VPS8: variants seen among roughly 807,000 people sequenced by gnomAD.
The protein encoded by VPS8 is vacuolar protein sorting-associated protein 8 homolog.
Under a neutral mutation model 216.4 loss-of-function variants are expected in VPS8, and 129 were observed. That is an observed-to-expected ratio of 0.60 (90% CI 0.52 to 0.69). VPS8 has a LOEUF of 0.69. Ranked by LOEUF, VPS8 falls within the 30% of genes least tolerant of loss-of-function variation. The probability of loss-of-function intolerance (pLI) is 0.00; values close to 1 mark genes in which losing one functional copy is unlikely to be tolerated. For missense variants in VPS8, 1,531 were observed against 1,683.5 expected (o/e 0.91, Z 1.59); for synonymous variants, 571 against 565.4 (o/e 1.01, Z -0.14).
At chr3:185,009,247 A>T (rs1296370838) in intron 45 of VPS8, among the ~76,000 whole-genome samples, 3 of 152,240 alleles carry the variant, frequency 2.0e-5, no homozygotes, top group Non-Finnish European at 2.9e-5. Context: ...AATATGAGAT[A>T]AGGACATAAG....
At chr3:184,998,479 T>TTA (rs10530534) in intron 44 of VPS8, among the ~76,000 whole-genome samples, 3 of 135,010 alleles carry the variant, frequency 2.2e-5, no homozygotes, top group African/African-American at 6.0e-5. Flanking sequence ...AAGAGGAAGT[T>TTA]TATATATATA....
chr3:184,869,341 A>G, intron 19 of VPS8, 141 bp from the exon 20 acceptor site: 11 of 832,342 alleles, frequency 1.3e-5, no homozygotes, highest in Non-Finnish European at 1.9e-5. Context: ...ATTATGGTGT[A>G]TTATCCAACA....
chr3:184,919,843 T>C (rs1738298919), intron 28 of VPS8, among the ~76,000 whole-genome samples: 1 of 152,200 alleles, frequency 6.6e-6, no homozygotes, highest in Non-Finnish European at 1.5e-5. Flanking sequence ...ATTAGTGTTA[T>C]CGCTCTCTTT....
chr3:184,882,689 T>C (rs1730484426), intron 21 of VPS8, among the ~76,000 whole-genome samples: 1 of 152,138 alleles, frequency 6.6e-6, no homozygotes, highest in Admixed American at 6.5e-5. Flanking sequence ...CATCTAAACA[T>C]GGAGATTTAT....
intron 44 of VPS8, among the ~76,000 whole-genome samples, chr3:184,997,713 C>T (rs759254001): frequency 2.0e-5 from 3 of 152,048 alleles, no homozygotes; most frequent in Non-Finnish European, 2.9e-5. Context: ...AAAGGAGATA[C>T]AGAGTGTTTG....
At chr3:185,031,811 A>C (rs1758212234) in intron 46 of VPS8, among the ~76,000 whole-genome samples, 1 of 152,194 alleles carries the variant, frequency 6.6e-6, no homozygotes, top group Non-Finnish European at 1.5e-5. Flanking sequence ...CAGAGTTTGG[A>C]CTAGTTGATT....
At chr3:185,026,747 C>T (rs1341424679) in intron 46 of VPS8, among the ~76,000 whole-genome samples, 26 of 111,194 alleles carry the variant, frequency 2.3e-4, no homozygotes, top group Admixed American at 3.4e-4. Context: ...CTCACTCTGT[C>T]GCCCAGGCTG....
intron 37 of VPS8, among the ~76,000 whole-genome samples, chr3:184,962,408 C>T (rs146264381): frequency 6.6e-6 from 1 of 152,226 alleles, no homozygotes; most frequent in East Asian, 1.9e-4. Flanking sequence ...CTTGCTGATA[C>T]CTAGTATTTT....
At chr3:184,865,180 C>T (rs934340146) in intron 16 of VPS8, among the ~76,000 whole-genome samples, 1 of 152,146 alleles carries the variant, frequency 6.6e-6, no homozygotes, top group Non-Finnish European at 1.5e-5. Flanking sequence ...TGTGAGACCA[C>T]ATCAGATAGC....
At chr3:184,937,789 A>G (rs559392102) in intron 35 of VPS8, among the ~76,000 whole-genome samples, 1 of 152,244 alleles carries the variant, frequency 6.6e-6, no homozygotes, top group African/African-American at 2.4e-5. Context: ...TGTGTGAAGC[A>G]TGACGTCAGC....
At chr3:184,925,769 TC>T (rs1276187751) in intron 30 of VPS8, among the ~76,000 whole-genome samples, 10 of 148,550 alleles carry the variant, frequency 6.7e-5, no homozygotes, top group African/African-American at 2.5e-4. Flanking sequence ...CTTTTCTCTC[TC>T]TATTTTTTTT....
At chr3:184,832,033 C>T (rs1395663347) in intron 3 of VPS8, among the ~76,000 whole-genome samples, 1 of 152,174 alleles carries the variant, frequency 6.6e-6, no homozygotes, top group African/African-American at 2.4e-5. Context: ...TTATACTAGG[C>T]ACTAGAGGTA....
intron 40 of VPS8, among the ~76,000 whole-genome samples, chr3:184,981,846 A>AT (rs1480695876): frequency 6.6e-6 from 1 of 152,222 alleles, no homozygotes; most frequent in Non-Finnish European, 1.5e-5. Context: ...GTGAGCCTCA[A>AT]TTTCATATCT....
At chr3:184,907,033 C>T (rs530506122) in intron 25 of VPS8, among the ~76,000 whole-genome samples, 6 of 152,286 alleles carry the variant, frequency 3.9e-5, no homozygotes, top group East Asian at 3.9e-4. Context: ...AGGATGCACC[C>T]GTGACACAGC....
At chr3:185,002,173 T>C (rs1343267568) in intron 45 of VPS8, among the ~76,000 whole-genome samples, 2 of 152,248 alleles carry the variant, frequency 1.3e-5, no homozygotes, top group Non-Finnish European at 1.5e-5. Flanking sequence ...CCAATACTTA[T>C]GGCATTATAT....
At chr3:184,947,027 G>A (rs1743799325) in intron 36 of VPS8, among the ~76,000 whole-genome samples, 1 of 152,108 alleles carries the variant, frequency 6.6e-6, no homozygotes, top group Admixed American at 6.5e-5. Flanking sequence ...TTAACAAAAA[G>A]CCTTAAATCT....
At chr3:185,034,331 A>C (rs375260725) in intron 46 of VPS8, among the ~76,000 whole-genome samples, 1 of 152,046 alleles carries the variant, frequency 6.6e-6, no homozygotes, top group African/African-American at 2.4e-5. Context: ...AGTAATAGCC[A>C]TCCTGATGAT....
intron 35 of VPS8, among the ~76,000 whole-genome samples, chr3:184,939,209 TA>T (rs966946400): frequency 7.6e-4 from 116 of 152,172 alleles, no homozygotes; most frequent in African/African-American, 2.7e-3. Context: ...TCAGAATTCT[TA>T]AAATGAAAAA....
At chr3:185,018,071 C>T (rs1756068376) in intron 45 of VPS8, among the ~76,000 whole-genome samples, 1 of 152,296 alleles carries the variant, frequency 6.6e-6, no homozygotes, top group South Asian at 2.1e-4. Context: ...CCTTTATCCA[C>T]TCTCAGTCCT....
Sources: allele counts gnomAD v4.1 joint callset (sites outside exome capture counted in the v4.1 genomes callset), GRCh38; gene constraint gnomAD v4.1.1; transcripts MANE v1.5; gene names NCBI Gene and HGNC (gene_info 2026-07-23, HGNC 2026-07-21).